ACSM1: variants seen among roughly 807,000 people sequenced by gnomAD.
ACSM1 encodes the protein acyl-CoA synthetase medium chain family member 1.
ACSM1 carries 79 observed loss-of-function variants against 75.8 expected under a neutral mutation model. The observed-to-expected ratio is 1.04, with a 90% CI of 0.87 to 1.26. ACSM1 has a LOEUF of 1.26. Among genes scored for constraint, ACSM1 ranks in the 50% most tolerant of loss-of-function variants. The pLI, the probability that ACSM1 is intolerant of heterozygous loss-of-function variation, is 0.00. For missense variants in ACSM1, 676 were observed against 720.1 expected, an observed-to-expected ratio of 0.94 and a Z score of 0.70; for synonymous variants, 279 against 265.8, an observed-to-expected ratio of 1.05 and a Z score of -0.48.
intron 8 of ACSM1, among the ~76,000 whole-genome samples, chr16:20,638,873 T>C (rs540940984): frequency 3.3e-5 from 5 of 152,308 alleles, no homozygotes; most frequent in African/African-American, 1.2e-4. Context: ...CTGCAAATAT[T>C]GGAGTCGTGG....
At chr16:20,640,368 C>A in intron 8 of ACSM1, 93 bp downstream of exon 8, 1 of 1,436,722 alleles carries the variant, frequency 7.0e-7, no homozygotes, top group Non-Finnish European at 9.7e-7. Flanking sequence ...AGGCACAAAC[C>A]TGTTTCCCAG....
At chr16:20,655,853 G>C (rs1049815956) in intron 7 of ACSM1, among the ~76,000 whole-genome samples, 2 of 152,096 alleles carry the variant, frequency 1.3e-5, no homozygotes, top group Non-Finnish European at 2.9e-5. Context: ...AGTAGACATG[G>C]AGTTTCATCA....
intron 10 of ACSM1, among the ~76,000 whole-genome samples, chr16:20,634,876 TA>T (rs983779616): frequency 6.6e-6 from 1 of 152,062 alleles, no homozygotes; most frequent in African/African-American, 2.4e-5. Context: ...AAATATAAAG[TA>T]AAAAATAAAG....
intron 10 of ACSM1, among the ~76,000 whole-genome samples, chr16:20,630,452 G>T (rs1186356565): frequency 6.6e-6 from 1 of 152,010 alleles, no homozygotes; most frequent in East Asian, 1.9e-4. Context: ...TAATAGAAGG[G>T]TCAATTCACC....
intron 2 of ACSM1, among the ~76,000 whole-genome samples, chr16:20,688,229 G>A (rs2079589518): frequency 6.6e-6 from 1 of 151,988 alleles, no homozygotes; most frequent in Admixed American, 6.6e-5. Context: ...AACATAGACA[G>A]GTCATTTAAA....
Position 20,623,246 on chromosome 16 carries a change from A to C in ACSM1, c.*240T>G, listed in dbSNP as rs1427175480. 1 of 475,162 alleles carries C rather than the reference A, an allele frequency of 2.1e-6. No individual in the cohort carries two copies. The highest frequency in any genetic ancestry group is 3.5e-5 in the Admixed American group (1 of 28,256). The allele number at this position is 475,162 out of a possible 1,614,324, so 29.4% of individuals were successfully genotyped here. A position where few individuals can be genotyped will look rare whatever the true frequency, so the allele number is the denominator to read the frequency against. On this transcript the variant is annotated 3_prime_UTR_variant, in exon 14 of 14. Transcript: ENST00000520010. ...CTCAACACAGGGTATTGTTGATATCAGTATTTTATTACTTGCGTTATGAGT... is the reference window on the plus strand; with the variant it reads ...CTCAACACAGGGTATTGTTGATATCCGTATTTTATTACTTGCGTTATGAGT...
chr16:20,658,420 C>T lies in ACSM1; in HGVS notation c.992+3374G>A, dbSNP rs559830415. On this transcript the variant is annotated intron_variant, in intron 7 of 13. Transcript: ENST00000520010. Reference sequence around the variant, plus strand: ...ATAAATGTCTTCTCTTGAGAAGTGTCTGTTCATATCCTTCACCCACTTTTT... The same window carrying T: ...ATAAATGTCTTCTCTTGAGAAGTGTTTGTTCATATCCTTCACCCACTTTTT... 2.3e-4 allele frequency among the ~76,000 whole-genome samples: 35 copies of T among 151,960 alleles called. No individual in the cohort carries two copies. The South Asian group carries it at 3.9e-3, about 17-fold the overall frequency.
At position 20,691,129 on chromosome 16, in the gene ACSM1, G is replaced by A; in HGVS notation, c.60C>T (p.Ile20=). 1 of 1,613,154 alleles carries A rather than the reference G, an allele frequency of 6.2e-7. No individual in the cohort carries two copies. The highest frequency in any genetic ancestry group is 1.1e-5 in the South Asian group (1 of 90,806). Residue 20 remains isoleucine (I), a synonymous_variant, in exon 2 of 14, where the codon ATC becomes ATT. Transcript: ENST00000520010. Reference sequence around the variant, plus strand: ...AGCGCAGCTGTGAAGGGGCAGGGTGGATGTTGTGGAAGGATTTGTGGATGC... The same window carrying A: ...AGCGCAGCTGTGAAGGGGCAGGGTGAATGTTGTGGAAGGATTTGTGGATGC... The part of the protein sequence containing the change: ...LWGIHKSFHN[I]HPAPSQLRCR...
Position 20,648,253 on chromosome 16 carries a change from T to C in ACSM1, c.993-7669A>G, listed in dbSNP as rs1461413579. Among the ~76,000 whole-genome samples, 4 of 152,240 alleles carry C rather than the reference T, an allele frequency of 2.6e-5. No individual in the cohort carries two copies. The highest frequency in any genetic ancestry group is 5.9e-5 in the Non-Finnish European group (4 of 68,040). On this transcript the variant is annotated intron_variant, in intron 7 of 13. Transcript: ENST00000520010. This position sits in a 1 kb window ranked among gnomAD's most constrained non-coding sequence, Gnocchi z 4.2. The stretch of plus-strand genomic sequence containing the variant: ...TCTATTCTCTCTGAAGGAGTCTTCA[T>C]GTACCTAACAAGGCCAGCTTTGCTA...
chr16:20,653,374 A>G (rs1430454459), intron 7 of ACSM1, among the ~76,000 whole-genome samples: 2 of 152,226 alleles, frequency 1.3e-5, no homozygotes, highest in Admixed American at 6.5e-5. Flanking sequence ...TACCACTCCT[A>G]TTCAACATAG....
intron 10 of ACSM1, among the ~76,000 whole-genome samples, chr16:20,627,824 A>ATCTCTCTC (rs68102086): frequency 1.0e-5 from 1 of 99,128 alleles, no homozygotes; most frequent in Non-Finnish European, 2.0e-5. Context: ...GTGAGACTTC[A>ATCTCTCTC]TCTCTCTCTC....
Position 20,624,107 on chromosome 16 carries a change from A to G in ACSM1, c.1636T>C (p.Tyr546His). The G allele has an allele frequency of 1.2e-6, 2 of 1,612,358 alleles. No individual in the cohort carries two copies. The highest frequency in any genetic ancestry group is 1.1e-5 in the South Asian group (1 of 91,056). Residue 546 changes from tyrosine (Y) to histidine (H), a missense_variant, in exon 13 of 14, where the codon TAC becomes CAC. By Grantham distance (83) the Tyr-to-His change is moderately conservative. Transcript: ENST00000520010. The part of the protein sequence containing the change: ...HVKSVTAPYK[Y>H]PRKVEFVSEL... ...CTGCCCTCACTCACCTTCCTTGGGT[A>G]CTTGTATGGGGCTGTCACTGACTTG...
chr16:20,634,090 T>C (rs1314602509), intron 10 of ACSM1, among the ~76,000 whole-genome samples: 1 of 152,226 alleles, frequency 6.6e-6, no homozygotes, highest in African/African-American at 2.4e-5. Flanking sequence ...TATTGTCAAT[T>C]GATTTAAGTA....
At chr16:20,637,135 G>C (rs1349419869) in intron 9 of ACSM1, 1 of 760,516 alleles carries the variant, frequency 1.3e-6, no homozygotes, top group South Asian at 1.4e-5. Context: ...GCAGCCTCTA[G>C]GTATTCTTTC....
intron 12 of ACSM1, 64 bp from the exon 13 acceptor site, chr16:20,624,279 G>A: frequency 6.6e-7 from 1 of 1,511,100 alleles, no homozygotes; most frequent in Non-Finnish European, 8.9e-7. Context: ...AAAAGTCAAT[G>A]TTTATTGAAT....
At chr16:20,636,364 C>T (rs192386686) in intron 10 of ACSM1, among the ~76,000 whole-genome samples, 2 of 152,232 alleles carry the variant, frequency 1.3e-5, no homozygotes, top group Non-Finnish European at 2.9e-5. Context: ...TGCAGCTTTT[C>T]TCTCTGTAAA....
At chr16:20,630,496 T>C (rs2017281229) in intron 10 of ACSM1, among the ~76,000 whole-genome samples, 1 of 152,108 alleles carries the variant, frequency 6.6e-6, no homozygotes, top group African/African-American at 2.4e-5. Context: ...ATATAAGCAA[T>C]AAACCTCAGA....
intron 4 of ACSM1, among the ~76,000 whole-genome samples, chr16:20,675,580 A>G (rs2020227738): frequency 6.6e-6 from 1 of 152,220 alleles, no homozygotes; most frequent in South Asian, 2.1e-4. Flanking sequence ...TGCATGATAA[A>G]GAATTTTTAA....
chr16:20,630,436 G>A (rs929598654), intron 10 of ACSM1, among the ~76,000 whole-genome samples: 1 of 152,046 alleles, frequency 6.6e-6, no homozygotes, highest in African/African-American at 2.4e-5. Context: ...AAATGATATT[G>A]TCTATTAATA....
Sources: gnomAD v4.1 joint callset for allele counts (sites outside exome capture counted in the v4.1 genomes callset) on GRCh38, gnomAD v4.1.1 for gene constraint, Gnocchi (gnomAD v3.1) non-coding constraint, MANE v1.5 for transcripts, NCBI Gene and HGNC (gene_info 2026-07-23, HGNC 2026-07-21) for gene names.